The following ACSL5 variants were observed in gnomAD, a reference collection of about 807,000 sequenced individuals.
The protein encoded by ACSL5 is long-chain-fatty-acid--CoA ligase 5.
Under a neutral mutation model 84.9 loss-of-function variants are expected in ACSL5, and 50 were observed. The observed-to-expected ratio is 0.59, with a 90% CI of 0.47 to 0.75. The LOEUF (loss-of-function observed/expected upper bound fraction) is 0.75, where lower values mean the gene tolerates loss of function less well. Ranked by LOEUF, ACSL5 falls within the 30% of genes least tolerant of loss-of-function variation. The pLI is 0.00. For synonymous variants in ACSL5, 280 were observed against 300.7 expected (o/e 0.93, Z 0.71); for missense variants, 775 against 830.4 (o/e 0.93, Z 0.82).
At chr10:112,411,621 C>T in intron 10 of ACSL5, 92 bp downstream of exon 10, 4 of 1,067,450 alleles carry the variant, frequency 3.7e-6, no homozygotes, top group South Asian at 1.4e-5. Context: ...GACACACACA[C>T]ACACATACAC....
At chr10:112,394,482 G>A (rs933322829) in intron 1 of ACSL5, among the ~76,000 whole-genome samples, 3 of 152,158 alleles carry the variant, frequency 2.0e-5, no homozygotes, top group Middle Eastern at 3.2e-3. Context: ...TGGTTTATAC[G>A]GGGGAATCCA....
intron 11 of ACSL5, chr10:112,412,247 G>A: frequency 2.5e-6 from 1 of 401,886 alleles, no homozygotes; most frequent in Non-Finnish European, 4.4e-6. Flanking sequence ...TCACAGCTAG[G>A]AGCTTACTAT....
intron 3 of ACSL5, among the ~76,000 whole-genome samples, chr10:112,403,352 A>T (rs946470431): frequency 2.0e-5 from 3 of 152,234 alleles, no homozygotes; most frequent in Admixed American, 2.0e-4. Context: ...CAATGGCACG[A>T]TCTCAACTCA....
intron 5 of ACSL5, among the ~76,000 whole-genome samples, chr10:112,406,982 C>T (rs1434365515): frequency 6.6e-6 from 1 of 152,078 alleles, no homozygotes; most frequent in Non-Finnish European, 1.5e-5. Context: ...CTGGTGAGGC[C>T]TCAGAATCAT....
At chr10:112,383,344 T>A (rs1176154519) in intron 1 of ACSL5, among the ~76,000 whole-genome samples, 1 of 152,186 alleles carries the variant, frequency 6.6e-6, no homozygotes, top group Non-Finnish European at 1.5e-5. Flanking sequence ...GCCCTTCCCA[T>A]CTGCCTGGGG....
chr10:112,423,455 C>T (rs1389575191), intron 17 of ACSL5, among the ~76,000 whole-genome samples: 1 of 150,998 alleles, frequency 6.6e-6, no homozygotes, highest in African/African-American at 2.4e-5. Context: ...CCTTGACCTC[C>T]CAAAGTTCTG....
chr10:112,415,509 G>A (rs1016672955), intron 12 of ACSL5, among the ~76,000 whole-genome samples: 1 of 152,204 alleles, frequency 6.6e-6, no homozygotes, highest in Non-Finnish European at 1.5e-5. Context: ...GTTGAGGGAG[G>A]GTGAGTCTTG....
intron 16 of ACSL5, 114 bp from the exon 17 acceptor site, chr10:112,422,211 C>T: frequency 2.7e-6 from 3 of 1,094,196 alleles, no homozygotes; most frequent in Non-Finnish European, 4.1e-6. Flanking sequence ...TGGTGCTCTT[C>T]ACAGTGTAGT....
intron 1 of ACSL5, among the ~76,000 whole-genome samples, chr10:112,383,626 A>G (rs529821567): frequency 1.3e-5 from 2 of 152,348 alleles, no homozygotes; most frequent in African/African-American, 4.8e-5. Context: ...TTTACACAAC[A>G]TGAGGGCTTG....
At chr10:112,384,606 C>G (rs1849413935) in intron 1 of ACSL5, among the ~76,000 whole-genome samples, 1 of 152,188 alleles carries the variant, frequency 6.6e-6, no homozygotes, top group Non-Finnish European at 1.5e-5. Context: ...CTCCCTGGCT[C>G]AAGCGATCCT....
At chr10:112,376,125 G>T in intron 1 of ACSL5, 1 of 787,496 alleles carries the variant, frequency 1.3e-6, no homozygotes, top group East Asian at 2.7e-5. Flanking sequence ...CTTTGACACG[G>T]AGCCAGGGTA....
intron 14 of ACSL5, 119 bp from the exon 15 acceptor site, chr10:112,421,474 A>T: frequency 1.2e-6 from 1 of 845,092 alleles, no homozygotes; most frequent in Non-Finnish European, 2.0e-6. Context: ...TCAAGGTTTT[A>T]AGACACTAAG....
chr10:112,396,999 T>G (rs1696422680), intron 2 of ACSL5, among the ~76,000 whole-genome samples: 1 of 152,176 alleles, frequency 6.6e-6, no homozygotes, highest in African/African-American at 2.4e-5. Context: ...TAATTTACAT[T>G]GTTGAATGCT....
At chr10:112,374,987 C>T (rs565489217) in intron 1 of ACSL5, among the ~76,000 whole-genome samples, 1 of 152,108 alleles carries the variant, frequency 6.6e-6, no homozygotes, top group East Asian at 1.9e-4. Flanking sequence ...AGGAATACAA[C>T]TCTGATGGGC....
chr10:112,425,362 C>T lies in ACSL5; in HGVS notation c.1618C>T (p.Arg540Cys), dbSNP rs1349164179. 11 of 1,611,148 alleles carry T rather than the reference C, an allele frequency of 6.8e-6. No homozygotes were observed. Among genetic ancestry groups the T allele is most frequent in the Admixed American group, 1.7e-5 (1 of 59,598 alleles). ...LPNGTLKIID[R>C]KKNIFKLAQG... ...GAATGGAACTCTGAAGATCATCGAC[C>T]GTAAAAAGAACATTTTCAAGCTGGC... Residue 540 changes from arginine to cysteine, a missense_variant, in exon 18 of 21, where the codon CGT becomes TGT. Transcript: ENST00000354655.
At chr10:112,392,980 A>C (rs1393413219) in intron 1 of ACSL5, among the ~76,000 whole-genome samples, 1 of 152,082 alleles carries the variant, frequency 6.6e-6, no homozygotes, top group Non-Finnish European at 1.5e-5. Context: ...GGCTGGTGGC[A>C]GACTGGATGG....
At chr10:112,379,820 A>G (rs944043030) in intron 1 of ACSL5, among the ~76,000 whole-genome samples, 18 of 152,202 alleles carry the variant, frequency 1.2e-4, no homozygotes, top group Admixed American at 1.2e-3. Context: ...ACCGTTGACA[A>G]GAAAGCTTGT....
rs1564747495 is a variant in ACSL5, at chr10:112,427,299, G to A, written c.1993G>A (p.Glu665Lys). ...ACCAACATTGAAAGCAAAGCGAGGAGAGCTTTCCAAATACTTTCGGACCCA... is the reference window on the plus strand; with the variant it reads ...ACCAACATTGAAAGCAAAGCGAGGAAAGCTTTCCAAATACTTTCGGACCCA... Reference protein sequence around the residue: ...LTPTLKAKRGELSKYFRTQID... With the variant: ...LTPTLKAKRGKLSKYFRTQID... Residue 665 changes from glutamate (E) to lysine (K), a missense_variant, in exon 21 of 21, where the codon GAG (glutamate) becomes AAG (lysine). Glu to Lys is a moderately conservative substitution (Grantham distance 56). Transcript: ENST00000354655. 2 of 1,613,836 alleles carry A rather than the reference G, an allele frequency of 1.2e-6. No individual in the cohort carries two copies. The highest frequency in any genetic ancestry group is 2.2e-5 in the East Asian group (1 of 44,864).
chr10:112,414,578 G>A (rs1263190254), intron 12 of ACSL5, among the ~76,000 whole-genome samples: 2 of 151,768 alleles, frequency 1.3e-5, no homozygotes, highest in Non-Finnish European at 1.5e-5. Flanking sequence ...GGCTGGTCTC[G>A]AACTCCTGAC....
Sources: allele counts gnomAD v4.1 joint callset (sites outside exome capture counted in the v4.1 genomes callset), GRCh38; gene constraint gnomAD v4.1.1; transcripts MANE v1.5; gene names NCBI Gene and HGNC (gene_info 2026-07-23, HGNC 2026-07-21).